G2E3: variants seen among roughly 807,000 people sequenced by gnomAD.
G2E3 encodes the protein G2/M-phase specific E3 ubiquitin protein ligase, also known as G2/M phase-specific E3 ubiquitin-protein ligase.
Under a neutral mutation model 92.8 loss-of-function variants are expected in G2E3, and 35 were observed. That is an observed-to-expected ratio of 0.38 (90% CI 0.29 to 0.50). The LOEUF (loss-of-function observed/expected upper bound fraction) is 0.50, where lower values mean the gene tolerates loss of function less well. Among genes scored for constraint, G2E3 ranks in the 20% least tolerant of loss-of-function variants. The pLI, the probability that G2E3 is intolerant of heterozygous loss-of-function variation, is 0.94. For synonymous variants in G2E3, 242 were observed against 272.4 expected, an observed-to-expected ratio of 0.89 and a Z score of 1.10; for missense variants, 554 against 823.8, an observed-to-expected ratio of 0.67 and a Z score of 4.01.
At chr14:30,610,268 T>TGTTTG (rs1882024857) in intron 12 of G2E3, among the ~76,000 whole-genome samples, 4 of 152,276 alleles carry the variant, frequency 2.6e-5, no homozygotes, top group African/African-American at 9.6e-5. Context: ...ACACAGAAGA[T>TGTTTG]AAACAACAAA....
intron 3 of G2E3, among the ~76,000 whole-genome samples, chr14:30,588,820 T>A (rs903546540): frequency 3.3e-5 from 5 of 152,268 alleles, no homozygotes; most frequent in African/African-American, 1.2e-4. Flanking sequence ...ACAATGAAGC[T>A]TAAGTCAAAT....
At chr14:30,578,771 A>C (rs1346531901) in intron 1 of G2E3, among the ~76,000 whole-genome samples, 1 of 152,194 alleles carries the variant, frequency 6.6e-6, no homozygotes, top group East Asian at 1.9e-4. Context: ...CAGAGGTTGA[A>C]CTGTAGAGAA....
chr14:30,603,044 T>C (rs545379656), intron 10 of G2E3, among the ~76,000 whole-genome samples: 33 of 152,204 alleles, frequency 2.2e-4, no homozygotes, highest in Admixed American at 5.9e-4. Flanking sequence ...TGAGACAAAA[T>C]AGGCCGGGCA....
intron 6 of G2E3, among the ~76,000 whole-genome samples, chr14:30,594,923 G>A (rs562521437): frequency 6.6e-6 from 1 of 151,186 alleles, no homozygotes; most frequent in East Asian, 1.9e-4. Context: ...GAGGTCAGGA[G>A]TTCGAGACCA....
intron 13 of G2E3, among the ~76,000 whole-genome samples, chr14:30,613,955 A>G (rs1421134542): frequency 6.6e-6 from 1 of 152,120 alleles, no homozygotes; most frequent in Admixed American, 6.5e-5. Flanking sequence ...AGTCATTGGA[A>G]TATTTTATGT....
At chr14:30,614,908 CTTAAT>C (rs1403681116) in intron 13 of G2E3, among the ~76,000 whole-genome samples, 6 of 152,084 alleles carry the variant, frequency 3.9e-5, no homozygotes, top group African/African-American at 1.4e-4. Flanking sequence ...TTTGCTTTAT[CTTAAT>C]TTCTTTTTAG....
At chr14:30,599,431 G>T (rs10152074) in intron 8 of G2E3, among the ~76,000 whole-genome samples, 5,592 of 152,218 alleles carry the variant, frequency 0.037, 326 homozygotes, top group African/African-American at 0.12. Flanking sequence ...GTTTCACCAT[G>T]TTGGTCAGCC....
Position 30,601,842 on chromosome 14 carries a change from A to G in G2E3, c.825A>G (p.Ser275=), listed in dbSNP as rs1881582419. The G allele has an allele frequency of 6.2e-7, 1 of 1,613,182 alleles. No individual in the cohort carries two copies. The part of the protein sequence containing the change: ...GTHLACSSLR[S]WEQNWECLEC... ...ATTTAGCCTGCTCCTCATTACGGTC[A>G]TGGGAGCAAAATTGGGAGTGTTTGG... Residue 275 remains serine (S), a synonymous_variant, in exon 9 of 15, where the codon TCA becomes TCG. Transcript: ENST00000206595.
At chr14:30,599,227 T>G (rs1432801545) in intron 8 of G2E3, among the ~76,000 whole-genome samples, 2 of 152,042 alleles carry the variant, frequency 1.3e-5, no homozygotes, top group Non-Finnish European at 2.9e-5. Flanking sequence ...ATTACCTCTT[T>G]TTTTTGTTTG....
At chr14:30,581,264 C>G (rs1880416268) in intron 2 of G2E3, 148 bp downstream of exon 2, 1 of 535,288 alleles carries the variant, frequency 1.9e-6, no homozygotes, top group East Asian at 3.2e-5. Flanking sequence ...ATATTTATTT[C>G]AACAAAAACC....
intron 6 of G2E3, 98 bp downstream of exon 6, chr14:30,593,737 CT>C: frequency 2.5e-6 from 2 of 804,720 alleles, no homozygotes; most frequent in South Asian, 1.7e-5. Flanking sequence ...TATATTACCT[CT>C]TACTACTTGT....
chr14:30,601,191 A>G (rs988111682), intron 8 of G2E3, among the ~76,000 whole-genome samples: 2 of 152,214 alleles, frequency 1.3e-5, no homozygotes, highest in Admixed American at 1.3e-4. Context: ...CTGGAGCCCT[A>G]CACTACAGCC....
chr14:30,615,236 T>A (rs1032634714), intron 13 of G2E3, 113 bp from the exon 14 acceptor site: 5 of 577,696 alleles, frequency 8.7e-6, no homozygotes, highest in Non-Finnish European at 1.5e-5. Flanking sequence ...GGTTGTTTTT[T>A]AAAAATCATT....
At position 30,616,620 on chromosome 14, in the gene G2E3, T is replaced by C; in HGVS notation, c.*86T>C. The C allele has an allele frequency of 1.1e-6, 1 of 951,872 alleles. No individual in the cohort carries two copies. Among genetic ancestry groups the C allele is most frequent in the Non-Finnish European group, 1.6e-6 (1 of 621,026 alleles). The allele number at this position is 951,872 out of a possible 1,614,324, so 59.0% of individuals were successfully genotyped here. A position where few individuals can be genotyped will look rare whatever the true frequency, so the allele number is the denominator to read the frequency against. On this transcript the variant is annotated 3_prime_UTR_variant, in exon 15 of 15. Transcript: ENST00000206595. The stretch of plus-strand genomic sequence containing the variant: ...TTCACTAACCTTTTCATCATCACTT[T>C]GAACAAACTAGTTAGCTTCTTGACC...
At chr14:30,582,956 G>C (rs565251998) in intron 2 of G2E3, among the ~76,000 whole-genome samples, 6 of 152,194 alleles carry the variant, frequency 3.9e-5, no homozygotes, top group African/African-American at 1.4e-4. Flanking sequence ...ATCTATTCTT[G>C]ATTGCATGTA....
intron 1 of G2E3, 136 bp downstream of exon 1, chr14:30,559,408 C>T (rs1037217536): frequency 5.2e-5 from 8 of 152,528 alleles, no homozygotes; most frequent in African/African-American, 1.9e-4. Context: ...GGTGCTGGGG[C>T]CCGGCCTGGA....
chr14:30,562,883 AG>A (rs1269977140), intron 1 of G2E3, among the ~76,000 whole-genome samples: 2 of 152,316 alleles, frequency 1.3e-5, no homozygotes, highest in East Asian at 3.9e-4. Context: ...CAGGCAGGGA[AG>A]GGCCCCCTGT....
At chr14:30,600,840 C>T (rs1412811980) in intron 8 of G2E3, among the ~76,000 whole-genome samples, 1 of 152,168 alleles carries the variant, frequency 6.6e-6, no homozygotes, top group East Asian at 1.9e-4. Context: ...AGTTATTGAC[C>T]CCTCTGTGCC....
chr14:30,586,743 T>C lies in G2E3; in HGVS notation c.63T>C (p.Asp21=), dbSNP rs1880733280. ...CTTGTGTTTTCTGTCGAAAACATGA[T>C]GACTGTCCTAATAAATACGGAGAAA... ...NLACVFCRKH[D]DCPNKYGEKK... Residue 21 remains aspartate (D), a synonymous_variant, in exon 3 of 15, where the codon GAT becomes GAC. Coordinates refer to ENST00000206595, the MANE Select transcript of G2E3 (RefSeq NM_017769.5). The C allele has an allele frequency of 1.4e-6, 2 of 1,418,072 alleles. No homozygotes were observed. Among genetic ancestry groups the C allele is most frequent in the South Asian group, 1.4e-5 (1 of 73,026 alleles). 87.8% of individuals were successfully genotyped at this position (1,418,072 alleles called of 1,614,324 possible).
Sources: gnomAD v4.1 joint callset for allele counts (sites outside exome capture counted in the v4.1 genomes callset) on GRCh38, gnomAD v4.1.1 for gene constraint, MANE v1.5 for transcripts, NCBI Gene and HGNC (gene_info 2026-07-23, HGNC 2026-07-21) for gene names.